SHOX2: variants seen among roughly 807,000 people sequenced by gnomAD.
SHOX2 encodes SHOX homeobox 2, also known as short stature homeobox protein 2.
In SHOX2, 13 loss-of-function variants were observed where a neutral mutation model predicts 31.3. The ratio of observed to expected loss-of-function variants is 0.42; its 90% CI spans 0.27 to 0.66. The LOEUF is 0.66. Among genes scored for constraint, SHOX2 ranks in the 30% least tolerant of loss-of-function variants. The pLI is 0.27. For missense variants in SHOX2, 473 were observed against 443.0 expected, an observed-to-expected ratio of 1.07 and a Z score of -0.61; for synonymous variants, 244 against 196.2, an observed-to-expected ratio of 1.24 and a Z score of -2.04.
intron 1 of SHOX2, among the ~76,000 whole-genome samples, chr3:158,105,454 C>G (rs1310643437): frequency 6.6e-6 from 1 of 151,902 alleles, no homozygotes; most frequent in Non-Finnish European, 1.5e-5. Flanking sequence ...AAACCCCACA[C>G]GCTTCCCCCC....
chr3:158,099,422 G>T (rs1221271241), intron 4 of SHOX2, among the ~76,000 whole-genome samples: 1 of 152,210 alleles, frequency 6.6e-6, no homozygotes, highest in Non-Finnish European at 1.5e-5. Flanking sequence ...AGTATGAGCT[G>T]GGAGTACTTG....
At chr3:158,105,357 C>T (rs1713825219) in intron 1 of SHOX2, 11 of 595,284 alleles carry the variant, frequency 1.8e-5, no homozygotes, top group South Asian at 1.4e-4. Flanking sequence ...CCACGTCCGC[C>T]TGCGGGCCAT....
intron 1 of SHOX2, 171 bp from the exon 2 acceptor site, chr3:158,103,057 C>G: frequency 1.5e-6 from 1 of 688,866 alleles, no homozygotes; most frequent in Non-Finnish European, 2.5e-6. Context: ...TCAACCCACC[C>G]GGAGGAAGAA....
At chr3:158,099,984 A>ATT (rs1215691805) in intron 3 of SHOX2, 36 bp from the exon 4 acceptor site, 2 of 1,562,424 alleles carry the variant, frequency 1.3e-6, no homozygotes, top group Non-Finnish European at 1.8e-6. Context: ...ATGTGAGGTT[A>ATT]ACGTTTGTAG....
At chr3:158,100,353 T>A (rs1019167435) in intron 2 of SHOX2, 42 bp from the exon 3 acceptor site, 1 of 1,496,410 alleles carries the variant, frequency 6.7e-7, no homozygotes. Context: ...CTAGATGTTA[T>A]GACTAAAAAT....
intron 2 of SHOX2, among the ~76,000 whole-genome samples, chr3:158,101,997 G>A (rs1282773973): frequency 6.6e-6 from 1 of 152,116 alleles, no homozygotes; most frequent in Admixed American, 6.5e-5. Context: ...GCAGGCTTTG[G>A]AAATATAAAT....
At position 158,105,890 on chromosome 3, in the gene SHOX2, C is replaced by T. The variant is rs750996157; in HGVS notation, c.135G>A (p.Glu45=). ...GGCTGCTGCGGTCGTCGCGGCCCGC[C>T]TCGGTGCAGCCGGTCGGCTCCTTGG... ...RGAKEPTGCT[E]AGRDDRSSPA... The change falls in exon 1 of 5, where the codon GAG becomes GAA. Residue 45 remains glutamate, a synonymous_variant. Coordinates refer to ENST00000483851, the MANE Select transcript of SHOX2 (RefSeq NM_001163678.2). The T allele has an allele frequency of 2.5e-5, 39 of 1,563,452 alleles. No homozygotes were observed. In the South Asian group the frequency reaches 4.2e-4, roughly 17 times the overall value.
intron 2 of SHOX2, among the ~76,000 whole-genome samples, chr3:158,100,672 C>T (rs887456905): frequency 1.1e-4 from 16 of 152,268 alleles, no homozygotes; most frequent in Admixed American, 5.2e-4. Context: ...TCATTAATAG[C>T]CTGTAATGTT....
chr3:158,103,878 GA>G (rs1293011358), intron 1 of SHOX2: 3 of 152,216 alleles, frequency 2.0e-5, no homozygotes, highest in Non-Finnish European at 4.4e-5. Flanking sequence ...AATAAAATAT[GA>G]ATTTTTCTGC....
Position 158,106,046 on chromosome 3 carries a change from C to G in SHOX2, c.-22G>C. On this transcript the variant is annotated 5_prime_UTR_variant, in exon 1 of 5. Transcript: ENST00000483851. ...CCATCGCCGCCGCACGTCAGCCCGGCGCTCAACCTCTGCCAGCAGAGCCCC... is the reference window on the plus strand; with the variant it reads ...CCATCGCCGCCGCACGTCAGCCCGGGGCTCAACCTCTGCCAGCAGAGCCCC... The G allele has an allele frequency of 6.2e-7, 1 of 1,611,578 alleles. No individual in the cohort carries two copies. Among genetic ancestry groups the G allele is most frequent in the Non-Finnish European group, 8.5e-7 (1 of 1,178,784 alleles).
intron 1 of SHOX2, 169 bp from the exon 2 acceptor site, chr3:158,103,055 C>A: frequency 1.4e-6 from 1 of 693,952 alleles, no homozygotes; most frequent in Admixed American, 2.3e-5. Context: ...TCTCAACCCA[C>A]CCGGAGGAAG....
At chr3:158,104,389 G>A (rs968719063) in intron 1 of SHOX2, among the ~76,000 whole-genome samples, 1 of 152,236 alleles carries the variant, frequency 6.6e-6, no homozygotes, top group Admixed American at 6.5e-5. Flanking sequence ...CGGCCCTGCC[G>A]GGCATTCTAG....
chr3:158,104,974 C>T (rs1025900301), intron 1 of SHOX2: 6 of 800,588 alleles, frequency 7.5e-6, no homozygotes, highest in African/African-American at 5.2e-5. Context: ...GAACCGAGTA[C>T]TGGGTGATTG....
At chr3:158,105,373 C>G in intron 1 of SHOX2, 1 of 593,586 alleles carries the variant, frequency 1.7e-6, no homozygotes, top group South Asian at 2.0e-5. Context: ...GCCATCCGGG[C>G]TGCGGGCCCA....
chr3:158,105,043 CCG>C (rs1553754772), intron 1 of SHOX2: 1 of 490,322 alleles, frequency 2.0e-6, no homozygotes, highest in Non-Finnish European at 3.9e-6. Flanking sequence ...CCCCCCCCCC[CCG>C]CCCCCAACAC....
chr3:158,096,942 T>C lies in SHOX2; in HGVS notation c.*1085A>G, dbSNP rs1248038987. 11 of 97,986 alleles carry C rather than the reference T, an allele frequency of 1.1e-4. No homozygotes were observed. The East Asian group carries it at 2.7e-3, about 24-fold the overall frequency. The allele number at this position is 97,986 out of a possible 1,614,324, so 6.1% of individuals were successfully genotyped here. On this transcript the variant is annotated 3_prime_UTR_variant, in exon 5 of 5. Coordinates refer to ENST00000483851, the MANE Select transcript of SHOX2 (RefSeq NM_001163678.2). The stretch of plus-strand genomic sequence containing the variant: ...TATATATATATATATGGCAAATATA[T>C]GATATATATATATGGATATATATAT...
Position 158,105,945 on chromosome 3 carries a change from T to A in SHOX2, c.80A>T (p.Glu27Val). 2 of 1,610,824 alleles carry A rather than the reference T, an allele frequency of 1.2e-6. No individual in the cohort carries two copies. Among genetic ancestry groups the A allele is most frequent in the Non-Finnish European group, 1.7e-6 (2 of 1,178,616 alleles). Residue 27 changes from glutamate to valine, a missense_variant, in exon 1 of 5, where the codon GAG (glutamate) becomes GTG (valine). Physicochemically the swap from Glu to Val is moderately radical, Grantham distance 121. Coordinates refer to ENST00000483851, the MANE Select transcript of SHOX2 (RefSeq NM_001163678.2). Reference sequence around the variant, plus strand: ...GCGCAGCGGCCCGCTCTCCAGCACCTCCCGGTACGTGATCGCCTCCTTCTT... The same window carrying A: ...GCGCAGCGGCCCGCTCTCCAGCACCACCCGGTACGTGATCGCCTCCTTCTT... Reference protein sequence around the residue: ...KEKKEAITYREVLESGPLRGA... With the variant: ...KEKKEAITYRVVLESGPLRGA...
rs2108118470 is a variant in SHOX2 at position 158,097,171 on chromosome 3, A to G, written c.*856T>C. 1 of 151,820 alleles carries G rather than the reference A, an allele frequency of 6.6e-6. No homozygotes were observed. The highest frequency in any genetic ancestry group is 1.9e-4 in the East Asian group (1 of 5,144). 9.4% of individuals were successfully genotyped at this position (151,820 alleles called of 1,614,324 possible). On this transcript the variant is annotated 3_prime_UTR_variant, in exon 5 of 5. Transcript: ENST00000483851. ...ATTGTCTGTGGCATTTTTTTGTGTT[A>G]ATATTATTTTTCTCTCTCCTCGTTT... is the stretch of plus-strand genomic sequence containing the variant.
At position 158,097,936 on chromosome 3, in the gene SHOX2, T is replaced by C. The variant is rs1713226042; in HGVS notation, c.*91A>G. 2.0e-6 allele frequency: 3 copies of C among 1,475,064 alleles called. No homozygotes were observed. Among genetic ancestry groups the C allele is most frequent in the Non-Finnish European group, 2.7e-6 (3 of 1,102,218 alleles). The allele number at this position is 1,475,064 out of a possible 1,614,324, so 91.4% of individuals were successfully genotyped here. A position where few individuals can be genotyped will look rare whatever the true frequency, so the allele number is the denominator to read the frequency against. ...GCGGGAAGAGGGCCGGCTCCCGAGG[T>C]CTCAAAGGGGTAACGGAGAAGCAGC... On this transcript the variant is annotated 3_prime_UTR_variant, in exon 5 of 5. Coordinates refer to ENST00000483851, the MANE Select transcript of SHOX2 (RefSeq NM_001163678.2).
Sources: gnomAD v4.1 joint callset for allele counts (sites outside exome capture counted in the v4.1 genomes callset) on GRCh38, gnomAD v4.1.1 for gene constraint, MANE v1.5 for transcripts, NCBI Gene and HGNC (gene_info 2026-07-23, HGNC 2026-07-21) for gene names.